The following TEKTIP1 variants were observed in gnomAD, a reference collection of about 807,000 sequenced individuals.
The protein encoded by TEKTIP1 is tektin bundle interacting protein 1.
the TEKTIP1 span, among the ~76,000 whole-genome samples, chr19:3,541,333 CAA>C: frequency 3.0e-4 from 42 of 142,118 alleles, no homozygotes; most frequent in African/African-American, 9.5e-4. Context: ...AAGACTGTCT[CAA>C]AAAAAAAAAG....
chr19:3,539,313 C>T, the TEKTIP1 span: 1,082 of 1,148,076 alleles, frequency 9.4e-4, 11 homozygotes, highest in Middle Eastern at 1.9e-3. Flanking sequence ...CCCTCCCTCC[C>T]TGGGTGTCAG....
chr19:3,539,488 C>T, the TEKTIP1 span: 3 of 539,658 alleles, frequency 5.6e-6, no homozygotes, highest in Admixed American at 9.3e-5. Context: ...GTGTCTGCGG[C>T]CGTCTCCAAG....
At chr19:3,543,713 G>C in the TEKTIP1 span, 164 of 1,502,034 alleles carry the variant, frequency 1.1e-4, 1 homozygote, top group Middle Eastern at 4.6e-4. Context: ...TCCTTGGGAG[G>C]CCAGGGGGAC....
At chr19:3,541,397 A>G in the TEKTIP1 span, among the ~76,000 whole-genome samples, 1 of 149,660 alleles carries the variant, frequency 6.7e-6, no homozygotes, top group African/African-American at 2.4e-5. Context: ...ATCTCAGCTC[A>G]CTGCAACCTC....
the TEKTIP1 span, among the ~76,000 whole-genome samples, chr19:3,541,186 A>AG: frequency 1.4e-5 from 2 of 148,124 alleles, no homozygotes; most frequent in Non-Finnish European, 3.0e-5. Flanking sequence ...AAAAAAAAAA[A>AG]TCAACCAGGC....
At chr19:3,541,816 T>G in the TEKTIP1 span, 2 of 983,512 alleles carry the variant, frequency 2.0e-6, no homozygotes, top group South Asian at 9.4e-5. Flanking sequence ...CTGTGCTGTT[T>G]TGTTTGTGTT....
At chr19:3,540,833 C>A in the TEKTIP1 span, among the ~76,000 whole-genome samples, 3 of 136,738 alleles carry the variant, frequency 2.2e-5, no homozygotes, top group African/African-American at 8.4e-5. Flanking sequence ...GAGCCGAGAT[C>A]GTGCCACTGG....
At chr19:3,540,247 C>T in the TEKTIP1 span, among the ~76,000 whole-genome samples, 2 of 151,108 alleles carry the variant, frequency 1.3e-5, no homozygotes, top group African/African-American at 2.5e-5. Flanking sequence ...GTTTGTGCCA[C>T]ATGCCCAGCT....
chr19:3,541,955 G>A, the TEKTIP1 span: 2 of 396,990 alleles, frequency 5.0e-6, no homozygotes, highest in Non-Finnish European at 6.8e-6. Flanking sequence ...GACCACAGGT[G>A]TCCATCACCA....
the TEKTIP1 span, chr19:3,542,544 GCTTA>G: frequency 1.1e-6 from 1 of 876,112 alleles, no homozygotes; most frequent in Non-Finnish European, 1.4e-6. Flanking sequence ...CACGATCTCA[GCTTA>G]CTGCAAACTC....
At chr19:3,539,283 G>A in the TEKTIP1 span, 3 of 1,374,402 alleles carry the variant, frequency 2.2e-6, no homozygotes, top group Non-Finnish European at 3.0e-6. Context: ...CTACAGGTGA[G>A]CCCCTCCCAG....
the TEKTIP1 span, chr19:3,543,854 G>A: frequency 5.8e-6 from 9 of 1,546,278 alleles, no homozygotes; most frequent in South Asian, 8.4e-5. Context: ...GGTACGGGGT[G>A]GAGCCACTGT....
At chr19:3,542,465 C>T in the TEKTIP1 span, 1 of 985,146 alleles carries the variant, frequency 1.0e-6, no homozygotes, top group Non-Finnish European at 1.2e-6. Context: ...CATAAAACAT[C>T]TTTGAGTCTC....
the TEKTIP1 span, chr19:3,543,226 C>T: frequency 3.9e-6 from 6 of 1,541,026 alleles, no homozygotes; most frequent in East Asian, 1.2e-4. Flanking sequence ...GCCCCCTGCC[C>T]ACCCTCAGCG....
chr19:3,541,265 G>A, the TEKTIP1 span, among the ~76,000 whole-genome samples: 3 of 151,904 alleles, frequency 2.0e-5, no homozygotes, highest in South Asian at 4.1e-4. Flanking sequence ...GAGCCTAGGA[G>A]GTCAAGGCTG....
the TEKTIP1 span, chr19:3,539,235 GC>G: frequency 6.4e-7 from 1 of 1,550,726 alleles, no homozygotes; most frequent in Admixed American, 2.0e-5. Context: ...GACCCTCGAG[GC>G]CAGCTTCCCA....
At chr19:3,539,276 C>T in the TEKTIP1 span, 1 of 1,523,316 alleles carries the variant, frequency 6.6e-7, no homozygotes, top group African/African-American at 1.4e-5. Flanking sequence ...CCCCTCCCTA[C>T]AGGTGAGCCC....
chr19:3,539,636 C>T, the TEKTIP1 span: 1 of 229,400 alleles, frequency 4.4e-6, no homozygotes, highest in African/African-American at 2.3e-5. Context: ...TGGGCAACCC[C>T]AGGCACTCCT....
the TEKTIP1 span, chr19:3,541,675 C>G: frequency 1.0e-6 from 1 of 985,234 alleles, no homozygotes; most frequent in Non-Finnish European, 1.2e-6. Flanking sequence ...TGGGCTCCCG[C>G]AAGTGTGTAA....
Sources: allele counts gnomAD v4.1 joint callset (sites outside exome capture counted in the v4.1 genomes callset), GRCh38; gene constraint gnomAD v4.1.1; transcripts MANE v1.5; gene names NCBI Gene and HGNC (gene_info 2026-07-23, HGNC 2026-07-21).